Variants in PDE4D observed in about 807,000 individuals in gnomAD.
PDE4D encodes the protein phosphodiesterase 4D, also known as 3',5'-cyclic-AMP phosphodiesterase 4D.
PDE4D carries 24 observed loss-of-function variants against 87.4 expected under a neutral mutation model. That is an observed-to-expected ratio of 0.27 (90% CI 0.20 to 0.39). The LOEUF (loss-of-function observed/expected upper bound fraction) is 0.39, where lower values mean the gene tolerates loss of function less well. PDE4D is among the 10% of genes least tolerant of loss of function. The probability of loss-of-function intolerance (pLI) is 1.00; values close to 1 mark genes in which losing one functional copy is unlikely to be tolerated. For synonymous variants in PDE4D, 384 were observed against 383.2 expected (o/e 1.00, Z -0.02); for missense variants, 714 against 1,041.0 (o/e 0.69, Z 4.32).
chr5:59,548,876 A>T (rs1817685849), intron 1 of PDE4D, among the ~76,000 whole-genome samples: 1 of 152,070 alleles, frequency 6.6e-6, no homozygotes, highest in Admixed American at 6.6e-5. Flanking sequence ...CCCCACTAGA[A>T]CTTTTTTCTG....
chr5:60,132,759 A>T (rs1315584001), intron 2 of PDE4D, among the ~76,000 whole-genome samples: 2 of 152,162 alleles, frequency 1.3e-5, no homozygotes, highest in African/African-American at 4.8e-5. Flanking sequence ...AGGGAGGCTG[A>T]GGCAGGAGAA....
intron 1 of PDE4D, among the ~76,000 whole-genome samples, chr5:59,561,737 C>A (rs563608208): frequency 8.6e-5 from 13 of 151,770 alleles, no homozygotes; most frequent in South Asian, 2.1e-4. Context: ...TGAGACCAGC[C>A]TGACCAACAT....
chr5:60,472,696 G>T (rs1306686534), intron 1 of PDE4D, among the ~76,000 whole-genome samples: 1 of 152,100 alleles, frequency 6.6e-6, no homozygotes, highest in Non-Finnish European at 1.5e-5. Context: ...GGCTACAAAT[G>T]GTCTCTGACT....
chr5:59,478,100 A>T (rs1803631468), intron 1 of PDE4D, among the ~76,000 whole-genome samples: 1 of 152,036 alleles, frequency 6.6e-6, no homozygotes, highest in African/African-American at 2.4e-5. Context: ...TGCTATGCTC[A>T]CTATCTGGGT....
chr5:60,382,243 C>A (rs1165196394), intron 1 of PDE4D, among the ~76,000 whole-genome samples: 1 of 151,972 alleles, frequency 6.6e-6, no homozygotes, highest in African/African-American at 2.4e-5. Flanking sequence ...CAGAGAAAAG[C>A]CCCAGTCATT....
intron 1 of PDE4D, among the ~76,000 whole-genome samples, chr5:59,649,929 T>TTTTTTTTTTTTTTTTTTTTTTTTTA: frequency 7.1e-6 from 1 of 140,068 alleles, no homozygotes; most frequent in Non-Finnish European, 1.5e-5. Context: ...TTTTTTTTTT[T>TTTTTTTTTTTTTTTTTTTTTTTTTA]TTTAGCAATG....
At chr5:60,045,535 T>C (rs1675868384) in intron 2 of PDE4D, among the ~76,000 whole-genome samples, 1 of 152,212 alleles carries the variant, frequency 6.6e-6, no homozygotes, top group African/African-American at 2.4e-5. Context: ...GAATTGATTT[T>C]TGTATAAGGT....
chr5:59,504,406 T>C (rs1331480251), intron 1 of PDE4D, among the ~76,000 whole-genome samples: 1 of 152,162 alleles, frequency 6.6e-6, no homozygotes, highest in Non-Finnish European at 1.5e-5. Flanking sequence ...AAAAGGAAAG[T>C]CCACCATCTC....
At chr5:59,218,597 T>C (rs1043557013) in intron 1 of PDE4D, among the ~76,000 whole-genome samples, 6 of 152,122 alleles carry the variant, frequency 3.9e-5, no homozygotes, top group Non-Finnish European at 7.4e-5. Flanking sequence ...TATACTGTAA[T>C]ATAAAAATTT....
intron 2 of PDE4D, among the ~76,000 whole-genome samples, chr5:60,017,764 C>T (rs189214654): frequency 1.3e-5 from 2 of 152,228 alleles, no homozygotes; most frequent in Admixed American, 1.3e-4. Flanking sequence ...CATACATGTG[C>T]ATGTATTTTT....
At chr5:60,401,588 C>T (rs754728606) in intron 1 of PDE4D, among the ~76,000 whole-genome samples, 4 of 152,172 alleles carry the variant, frequency 2.6e-5, no homozygotes, top group African/African-American at 9.7e-5. Context: ...AGTGATCACA[C>T]GTCAGTGATC....
chr5:59,417,116 G>A (rs189780314), intron 1 of PDE4D, among the ~76,000 whole-genome samples: 5 of 152,096 alleles, frequency 3.3e-5, no homozygotes, highest in Admixed American at 3.3e-4. Context: ...CATATTGGCT[G>A]TATATCCTTT....
At chr5:59,715,499 C>G (rs1464698242) in intron 1 of PDE4D, among the ~76,000 whole-genome samples, 1 of 152,180 alleles carries the variant, frequency 6.6e-6, no homozygotes, top group Non-Finnish European at 1.5e-5. Flanking sequence ...TGGTTTCATA[C>G]CGGGTATGGA....
intron 2 of PDE4D, among the ~76,000 whole-genome samples, chr5:59,214,360 T>C (rs1465299434): frequency 6.6e-6 from 1 of 152,162 alleles, no homozygotes; most frequent in Non-Finnish European, 1.5e-5. Flanking sequence ...GGTTTCGCTA[T>C]TCACATCAAG....
rs572086561 is a variant in PDE4D at position 59,082,333 on chromosome 5, A to G, written c.809-43362T>C. 1.3e-4 allele frequency among the ~76,000 whole-genome samples: 20 copies of G among 152,322 alleles called. 1 individual carries two copies. In the South Asian group the frequency reaches 2.7e-3, roughly 21 times the overall value. The stretch of plus-strand genomic sequence containing the variant: ...TCCACTATTACTGAATGTTGCTCAG[A>G]AAATTCTAACGTAAGCAACCAAACA... On this transcript the variant is annotated intron_variant, in intron 5 of 14. Coordinates refer to ENST00000340635, the MANE Select transcript of PDE4D (RefSeq NM_001104631.2).
chr5:60,043,461 C>A (rs1355560935), intron 2 of PDE4D, among the ~76,000 whole-genome samples: 1 of 152,026 alleles, frequency 6.6e-6, no homozygotes, highest in African/African-American at 2.4e-5. Context: ...CAAAGATACT[C>A]CTCGAGAAGA....
chr5:59,417,422 T>C (rs1793793274), intron 1 of PDE4D, among the ~76,000 whole-genome samples: 1 of 152,160 alleles, frequency 6.6e-6, no homozygotes, highest in Non-Finnish European at 1.5e-5. Context: ...TAAAATGGTT[T>C]TCAGAACTAC....
chr5:60,382,660 C>G (rs907092776), intron 1 of PDE4D, among the ~76,000 whole-genome samples: 6 of 152,178 alleles, frequency 3.9e-5, no homozygotes, highest in Non-Finnish European at 7.3e-5. Context: ...GGCAGCCCCC[C>G]AAGTTTATGA....
intron 1 of PDE4D, among the ~76,000 whole-genome samples, chr5:59,315,327 C>T (rs141413544): frequency 5.3e-5 from 8 of 152,186 alleles, no homozygotes; most frequent in African/African-American, 9.6e-5. Flanking sequence ...TTCTACCTAC[C>T]GATGGGACCA....
Sources: gnomAD v4.1 joint callset for allele counts (sites outside exome capture counted in the v4.1 genomes callset) on GRCh38, gnomAD v4.1.1 for gene constraint, MANE v1.5 for transcripts, NCBI Gene and HGNC (gene_info 2026-07-23, HGNC 2026-07-21) for gene names.